Variants in XPO4 observed in about 807,000 individuals in gnomAD.
XPO4 encodes exportin-4.
XPO4 carries 39 observed loss-of-function variants against 143.0 expected under a neutral mutation model. The observed-to-expected ratio is 0.27, with a 90% CI of 0.21 to 0.36. The LOEUF (loss-of-function observed/expected upper bound fraction) is 0.36, where lower values mean the gene tolerates loss of function less well. Ranked by LOEUF, XPO4 falls within the 10% of genes least tolerant of loss-of-function variation. The pLI is 1.00. For synonymous variants in XPO4, 439 were observed against 474.0 expected (o/e 0.93, Z 0.96); for missense variants, 907 against 1,348.0 (o/e 0.67, Z 5.12).
In XPO4 at chr13:20,840,803, C is replaced by T. The variant is rs968464598; in HGVS notation, c.727+2092G>A. Among the ~76,000 whole-genome samples the T allele has an allele frequency of 5.3e-5, 8 of 152,288 alleles. No individual in the cohort carries two copies. The South Asian group carries it at 1.7e-3, about 32-fold the overall frequency. On this transcript the variant is annotated intron_variant, in intron 6 of 22. Coordinates refer to ENST00000255305, the MANE Select transcript of XPO4 (RefSeq NM_022459.5). ...GAATACTTAGCTGTAGTGCAGTCAG[C>T]CAACAAATGGCACTATATGAAAAGG...
At chr13:20,872,984 G>A (rs529538083) in intron 1 of XPO4, among the ~76,000 whole-genome samples, 1 of 151,744 alleles carries the variant, frequency 6.6e-6, no homozygotes, top group South Asian at 2.1e-4. Flanking sequence ...TCTCATCATT[G>A]CCACTACAGT....
rs148180556 is a variant in XPO4 at position 20,812,536 on chromosome 13, T to TA, written c.1174-2570dup. Among the ~76,000 whole-genome samples the TA allele has an allele frequency of 3.6e-3, 533 of 146,884 alleles. 4 individuals carry two copies. The highest frequency in any genetic ancestry group is 0.012 in the African/African-American group (482 of 40,170). On this transcript the variant is annotated intron_variant, in intron 9 of 22. Transcript: ENST00000255305. Reference sequence around the variant, plus strand: ...CATTGGAACCAAAATTACAAATCATTAAAAAAAAAACTTTCAACTACATTA... The same window carrying TA: ...CATTGGAACCAAAATTACAAATCATTAAAAAAAAAAACTTTCAACTACATTA...
intron 1 of XPO4, among the ~76,000 whole-genome samples, chr13:20,882,244 T>C (rs1050598647): frequency 1.3e-5 from 2 of 152,020 alleles, no homozygotes; most frequent in African/African-American, 4.8e-5. Context: ...AAAGGAATAC[T>C]TGAGACTGGG....
intron 6 of XPO4, among the ~76,000 whole-genome samples, chr13:20,835,327 G>A (rs1424422255): frequency 2.0e-5 from 3 of 152,116 alleles, no homozygotes; most frequent in Non-Finnish European, 1.5e-5. Context: ...AATTCTATCA[G>A]TTTAAAAAAA....
intron 6 of XPO4, among the ~76,000 whole-genome samples, chr13:20,836,448 C>T (rs2059918111): frequency 1.3e-5 from 2 of 152,082 alleles, no homozygotes; most frequent in Admixed American, 6.5e-5. Flanking sequence ...TTTTCTTTTG[C>T]TTCTTCCTGC....
chr13:20,891,919 C>A (rs2060521070), intron 1 of XPO4, among the ~76,000 whole-genome samples: 1 of 151,598 alleles, frequency 6.6e-6, no homozygotes, highest in African/African-American at 2.4e-5. Flanking sequence ...AACTTCTGGA[C>A]TCAAGCAATT....
intron 1 of XPO4, among the ~76,000 whole-genome samples, chr13:20,899,009 AT>A (rs1470624129): frequency 3.0e-4 from 45 of 152,312 alleles, no homozygotes; most frequent in African/African-American, 1.1e-3. Context: ...CTACAAAAAA[AT>A]ATTTTTAAAA....
In XPO4 at chr13:20,842,302, A is replaced by T. The variant is rs552404217; in HGVS notation, c.727+593T>A. 4.8e-4 allele frequency among the ~76,000 whole-genome samples: 73 copies of T among 152,326 alleles called. 1 individual carries two copies. Among genetic ancestry groups the T allele is most frequent in the African/African-American group, 1.7e-3 (69 of 41,574 alleles). ...AGTTCCTTAAAGTTTATGAAATACA[A>T]ATTTCTCTACTTTAAGTAACTAATT... On this transcript the variant is annotated intron_variant, in intron 6 of 22. Transcript: ENST00000255305.
At chr13:20,858,021 T>G in intron 3 of XPO4, 1 of 978,916 alleles carries the variant, frequency 1.0e-6, no homozygotes, top group Non-Finnish European at 1.2e-6. Context: ...CAAAAACGTT[T>G]AACTTGAATC....
intron 21 of XPO4, 133 bp downstream of exon 21, chr13:20,787,346 AAC>A: frequency 1.2e-6 from 1 of 825,196 alleles, no homozygotes. Context: ...TCCAGAAAAA[AAC>A]AGTGAACAGG....
chr13:20,853,088 T>C, intron 4 of XPO4: 1 of 976,046 alleles, frequency 1.0e-6, no homozygotes, highest in Non-Finnish European at 1.2e-6. Flanking sequence ...TCCCAGCATT[T>C]TGGAAGGCTG....
intron 19 of XPO4, among the ~76,000 whole-genome samples, chr13:20,789,070 T>G (rs1227677387): frequency 1.3e-5 from 2 of 152,208 alleles, no homozygotes; most frequent in East Asian, 3.8e-4. Flanking sequence ...TCCAAAAACA[T>G]TTTTCCAGTT....
chr13:20,806,598 G>C (rs2059509675), intron 13 of XPO4, among the ~76,000 whole-genome samples: 1 of 125,818 alleles, frequency 7.9e-6, no homozygotes, highest in African/African-American at 3.1e-5. Flanking sequence ...CTGTCGCCAG[G>C]CTGGAGTGCA....
At chr13:20,824,674 T>C (rs2059762452) in intron 7 of XPO4, among the ~76,000 whole-genome samples, 1 of 152,122 alleles carries the variant, frequency 6.6e-6, no homozygotes, top group South Asian at 2.1e-4. Context: ...TGTATTTCAA[T>C]ATAAACTGTA....
chr13:20,788,057 G>GT (rs5802086), intron 20 of XPO4, among the ~76,000 whole-genome samples: 2,361 of 137,012 alleles, frequency 0.017, 47 homozygotes, highest in African/African-American at 0.046. Context: ...TTGTTTTTTT[G>GT]TTTTTTTTTT....
At chr13:20,844,706 C>T (rs1279858236) in intron 4 of XPO4, among the ~76,000 whole-genome samples, 1 of 152,200 alleles carries the variant, frequency 6.6e-6, no homozygotes, top group Non-Finnish European at 1.5e-5. Context: ...GATGTCAGTA[C>T]CTTGACCTTA....
chr13:20,801,069 CT>C, intron 13 of XPO4, 79 bp from the exon 14 acceptor site: 2 of 1,521,614 alleles, frequency 1.3e-6, no homozygotes, highest in Non-Finnish European at 1.8e-6. Flanking sequence ...CTTAAAAGTC[CT>C]TTTTTGTCTT....
chr13:20,884,421 G>A (rs553337126), intron 1 of XPO4, among the ~76,000 whole-genome samples: 2 of 151,884 alleles, frequency 1.3e-5, no homozygotes, highest in Non-Finnish European at 2.9e-5. Context: ...GATCCGATCC[G>A]ATCCAATCCA....
rs1427001243 is a variant in XPO4, at chr13:20,796,785, T to C, written c.2595A>G (p.Lys865=). The part of the protein sequence containing the change: ...IIEVFVEVAH[K]QICYLGESKA... Reference sequence around the variant, plus strand: ...TTACCTCTCCAAGATAGCATATCTGTTTATGTGCAACTTCAACAAAAACTT... The same window carrying C: ...TTACCTCTCCAAGATAGCATATCTGCTTATGTGCAACTTCAACAAAAACTT... The change falls in exon 17 of 23, where the codon AAA becomes AAG. Residue 865 remains lysine, a synonymous_variant. Transcript: ENST00000255305. 6.2e-7 allele frequency: 1 copy of C among 1,612,728 alleles called. No individual in the cohort carries two copies. The highest frequency in any genetic ancestry group is 8.5e-7 in the Non-Finnish European group (1 of 1,179,362).
Sources: gnomAD v4.1 joint callset for allele counts (sites outside exome capture counted in the v4.1 genomes callset) on GRCh38, gnomAD v4.1.1 for gene constraint, MANE v1.5 for transcripts, NCBI Gene and HGNC (gene_info 2026-07-23, HGNC 2026-07-21) for gene names.